Variants in PHF11 observed in about 807,000 individuals in gnomAD.
PHF11 encodes PHD finger protein 11.
In PHF11, 38 loss-of-function variants were observed where a neutral mutation model predicts 40.5. The ratio of observed to expected loss-of-function variants is 0.94; its 90% confidence interval spans 0.72 to 1.23. PHF11 has a LOEUF of 1.23. Among genes scored for constraint, PHF11 ranks in the 50% most tolerant of loss-of-function variants. The probability of loss-of-function intolerance (pLI) is 0.00; values close to 1 mark genes in which losing one functional copy is unlikely to be tolerated. For missense variants in PHF11, 369 were observed against 392.4 expected (o/e 0.94, Z 0.50); for synonymous variants, 127 against 138.2 (o/e 0.92, Z 0.57).
intron 1 of PHF11, among the ~76,000 whole-genome samples, chr13:49,500,605 G>A (rs981699084): frequency 3.9e-5 from 6 of 152,164 alleles, no homozygotes; most frequent in African/African-American, 1.2e-4. Flanking sequence ...TAGAAGAGCC[G>A]AAATCCATTA....
intron 8 of PHF11, 26 bp downstream of exon 8, chr13:49,524,242 A>G: frequency 6.4e-7 from 1 of 1,560,276 alleles, no homozygotes; most frequent in Non-Finnish European, 8.7e-7. Context: ...AATATTTCGA[A>G]GTATAGAGAC....
intron 9 of PHF11, among the ~76,000 whole-genome samples, 163 bp downstream of exon 9, chr13:49,526,621 G>GCCCCCCC (rs1222135505): frequency 8.9e-5 from 13 of 145,784 alleles, no homozygotes; most frequent in Non-Finnish European, 1.1e-4. Flanking sequence ...CCGCCCACCT[G>GCCCCCCC]CCCACACACA....
intron 1 of PHF11, chr13:49,496,337 C>G: frequency 9.5e-7 from 1 of 1,048,026 alleles, no homozygotes; most frequent in African/African-American, 1.7e-5. Flanking sequence ...CTCTGACTGC[C>G]CATGGTTTCG....
At chr13:49,521,055 A>C (rs967243585) in intron 5 of PHF11, 115 bp downstream of exon 5, 1 of 1,410,684 alleles carries the variant, frequency 7.1e-7, no homozygotes, top group East Asian at 2.5e-5. Context: ...GTTTGAGTTA[A>C]AATTTTACAC....
In PHF11 at chr13:49,506,401, A is replaced by G. The variant is rs564930042; in HGVS notation, c.95-234A>G. On this transcript the variant is annotated intron_variant, in intron 1 of 9. Coordinates refer to ENST00000378319, the MANE Select transcript of PHF11 (RefSeq NM_001040443.3). ...CTCTACATTTTAAAAAGAAGAAGTTATCCTCATTATTAGGCATTTAGAAGT... is the reference window on the plus strand; with the variant it reads ...CTCTACATTTTAAAAAGAAGAAGTTGTCCTCATTATTAGGCATTTAGAAGT... Among the ~76,000 whole-genome samples the G allele has an allele frequency of 3.9e-5, 6 of 152,258 alleles. No individual in the cohort carries two copies. The South Asian group carries it at 1.2e-3, about 32-fold the overall frequency.
At chr13:49,518,996 C>T (rs1959175011) in intron 4 of PHF11, among the ~76,000 whole-genome samples, 1 of 151,786 alleles carries the variant, frequency 6.6e-6, no homozygotes, top group East Asian at 1.9e-4. Context: ...CTACCACGCC[C>T]GGCTAATTTT....
intron 1 of PHF11, among the ~76,000 whole-genome samples, chr13:49,502,946 G>A (rs1419584529): frequency 1.3e-5 from 2 of 152,020 alleles, no homozygotes; most frequent in Non-Finnish European, 2.9e-5. Context: ...GGATGGTCTC[G>A]ATCTCCTGAT....
chr13:49,504,570 C>A (rs1594203022), intron 1 of PHF11, among the ~76,000 whole-genome samples: 1 of 132,612 alleles, frequency 7.5e-6, no homozygotes, highest in East Asian at 2.5e-4. Flanking sequence ...GCCCGGCCAG[C>A]CGCCCCGTCC....
At chr13:49,513,188 T>C (rs1180845669) in intron 3 of PHF11, 22 bp downstream of exon 3, 1 of 1,131,068 alleles carries the variant, frequency 8.8e-7, no homozygotes, top group African/African-American at 1.5e-5. Context: ...TGATGTTATT[T>C]CTTATACTGG....
chr13:49,527,048 T>C, intron 9 of PHF11, among the ~76,000 whole-genome samples: 1 of 99,894 alleles, frequency 1.0e-5, no homozygotes, highest in Non-Finnish European at 2.2e-5. Context: ...GATTTAAAGT[T>C]CATCAGAAAA....
chr13:49,508,244 A>G (rs1959034898), intron 2 of PHF11, among the ~76,000 whole-genome samples: 1 of 147,340 alleles, frequency 6.8e-6, no homozygotes, highest in African/African-American at 2.5e-5. Flanking sequence ...GTTATGTATT[A>G]ATATATTATT....
intron 1 of PHF11, chr13:49,496,579 C>T (rs935287035): frequency 4.0e-5 from 15 of 375,680 alleles, no homozygotes; most frequent in Non-Finnish European, 5.5e-5. Flanking sequence ...TTCCAGTCCT[C>T]CCCGGCCCTC....
chr13:49,520,708 TCTAA>T (rs1216568961), intron 4 of PHF11, among the ~76,000 whole-genome samples, 182 bp from the exon 5 acceptor site: 3 of 152,068 alleles, frequency 2.0e-5, no homozygotes, highest in Admixed American at 1.3e-4. Context: ...ATAAAAGACA[TCTAA>T]CTGAGTCTCC....
chr13:49,496,469 G>T (rs1958811501), intron 1 of PHF11: 1 of 1,015,314 alleles, frequency 9.8e-7, no homozygotes, highest in East Asian at 9.0e-5. Flanking sequence ...ACAGTGGAGG[G>T]GCGCCCTGAT....
chr13:49,510,458 A>C (rs1193818004), intron 2 of PHF11, among the ~76,000 whole-genome samples: 1 of 152,106 alleles, frequency 6.6e-6, no homozygotes, highest in African/African-American at 2.4e-5. Context: ...AACCATTCTT[A>C]GATTAACACC....
chr13:49,515,335 C>T (rs7994710), intron 3 of PHF11, among the ~76,000 whole-genome samples: 12,754 of 151,952 alleles, frequency 0.084, 975 homozygotes, highest in African/African-American at 0.2. Context: ...GGGTGAGCAG[C>T]AGGGGCCCTC....
intron 9 of PHF11, among the ~76,000 whole-genome samples, chr13:49,527,630 T>C (rs1288849081): frequency 2.0e-5 from 3 of 152,234 alleles, no homozygotes; most frequent in Admixed American, 2.0e-4. Context: ...GCAGTATCCA[T>C]ATTTTTTTAA....
chr13:49,513,097 T>C lies in PHF11; in HGVS notation c.255T>C (p.Asp85=). ...GACTTGTGGAATGTGAGGATCAGGA[T>C]CCACTTAATCCTGATAGAAGTTTTG... ...SSGLVECEDQ[D]PLNPDRSFDV... Residue 85 remains aspartate (D), a synonymous_variant, in exon 3 of 10, where the codon GAT becomes GAC. Transcript: ENST00000378319. 6.2e-7 allele frequency: 1 copy of C among 1,601,982 alleles called. No homozygotes were observed. Among genetic ancestry groups the C allele is most frequent in the Non-Finnish European group, 8.6e-7 (1 of 1,169,282 alleles).
chr13:49,509,131 G>T (rs1435616465), intron 2 of PHF11, among the ~76,000 whole-genome samples: 1 of 151,610 alleles, frequency 6.6e-6, no homozygotes, highest in African/African-American at 2.4e-5. Flanking sequence ...TGGAAAAGTT[G>T]CATATACAGT....
Sources: gnomAD v4.1 joint callset for allele counts (sites outside exome capture counted in the v4.1 genomes callset) on GRCh38, gnomAD v4.1.1 for gene constraint, MANE v1.5 for transcripts, NCBI Gene and HGNC (gene_info 2026-07-23, HGNC 2026-07-21) for gene names.